Variants in ATR observed in about 807,000 individuals in gnomAD.
The protein encoded by ATR is ATR checkpoint kinase.
In ATR, 142 loss-of-function variants were observed where a neutral mutation model predicts 305.3. The ratio of observed to expected loss-of-function variants is 0.47; its 90% CI spans 0.41 to 0.53. The LOEUF (loss-of-function observed/expected upper bound fraction) is 0.53, where lower values mean the gene tolerates loss of function less well. Among genes scored for constraint, ATR ranks in the 20% least tolerant of loss-of-function variants. The pLI is 0.00. For missense variants in ATR, 2,135 were observed against 3,133.1 expected, an observed-to-expected ratio of 0.68 and a Z score of 7.60; for synonymous variants, 1,050 against 1,068.1, an observed-to-expected ratio of 0.98 and a Z score of 0.33.
At chr3:142,565,292 C>T (rs1414771471) in intron 3 of ATR, among the ~76,000 whole-genome samples, 3 of 152,074 alleles carry the variant, frequency 2.0e-5, no homozygotes, top group Non-Finnish European at 4.4e-5. Flanking sequence ...CAGAAAAAAA[C>T]TTCTTGGAGG....
intron 41 of ATR, 150 bp from the exon 42 acceptor site, chr3:142,462,240 G>T: frequency 1.3e-6 from 1 of 763,564 alleles, no homozygotes; most frequent in Non-Finnish European, 2.1e-6. Context: ...TCTTCTGAAT[G>T]GTAGGAAGGA....
At chr3:142,505,014 A>C in intron 29 of ATR, 125 bp downstream of exon 29, 3 of 1,213,154 alleles carry the variant, frequency 2.5e-6, no homozygotes, top group Non-Finnish European at 3.5e-6. Context: ...ACTGCACTCC[A>C]GCCTGGCCAA....
chr3:142,464,977 A>T (rs2108270356), intron 41 of ATR, 120 bp downstream of exon 41: 1 of 535,068 alleles, frequency 1.9e-6, no homozygotes, highest in East Asian at 4.0e-5. Flanking sequence ...TAAAATGCCT[A>T]TATCAGATTG....
intron 16 of ATR, among the ~76,000 whole-genome samples, chr3:142,546,303 A>AG (rs1330466627): frequency 6.6e-6 from 1 of 152,126 alleles, no homozygotes; most frequent in African/African-American, 2.4e-5. Flanking sequence ...CCCAGAACTA[A>AG]GGGGGGCATT....
intron 24 of ATR, among the ~76,000 whole-genome samples, chr3:142,519,236 GAAA>G (rs1475614554): frequency 1.3e-5 from 2 of 151,298 alleles, no homozygotes; most frequent in African/African-American, 4.9e-5. Context: ...AAATCATAGT[GAAA>G]AATATACATG....
intron 16 of ATR, among the ~76,000 whole-genome samples, chr3:142,546,397 C>A (rs1412730480): frequency 4.6e-5 from 7 of 152,106 alleles, no homozygotes; most frequent in Admixed American, 4.6e-4. Context: ...AAAAGTAGCC[C>A]CTTTGTTAAA....
Position 142,550,135 on chromosome 3 carries a change from A to T in ATR, c.2973T>A (p.Leu991=). ...TGAACTATATGTTGCAACTTACAGTAAGAAAACGATTAAGATCAGGAAAGT... is the reference window on the plus strand; with the variant it reads ...TGAACTATATGTTGCAACTTACAGTTAGAAAACGATTAAGATCAGGAAAGT... ...VFDFPDLNRF[L]TRTLQVLLPD... is the part of the protein sequence containing the mutation. The change falls in exon 14 of 47, where the codon CTT becomes CTA. Residue 991 remains leucine (L), a synonymous_variant. Coordinates refer to ENST00000350721, the MANE Select transcript of ATR (RefSeq NM_001184.4). The T allele has an allele frequency of 6.2e-7, 1 of 1,614,152 alleles. No homozygotes were observed. The highest frequency in any genetic ancestry group is 1.1e-5 in the South Asian group (1 of 91,086).
At chr3:142,454,437 C>CTTTTTTTTTTTTTTTT (rs760823609) in intron 45 of ATR, among the ~76,000 whole-genome samples, 5 of 101,478 alleles carry the variant, frequency 4.9e-5, no homozygotes, top group African/African-American at 2.5e-4. Flanking sequence ...TGATAGACAG[C>CTTTTTTTTTTTTTTTT]TTTTTTTTTT....
At chr3:142,457,395 C>A (rs571552913) in intron 45 of ATR, among the ~76,000 whole-genome samples, 1 of 152,136 alleles carries the variant, frequency 6.6e-6, no homozygotes, top group South Asian at 2.1e-4. Flanking sequence ...AATGGATGCA[C>A]AATCTTGTGA....
intron 36 of ATR, chr3:142,472,077 G>C (rs1577517549): frequency 7.0e-6 from 1 of 142,284 alleles, no homozygotes; most frequent in African/African-American, 2.7e-5. Context: ...AGCCTGAATA[G>C]TATTCCATTG....
chr3:142,497,685 G>A (rs1045692312), intron 32 of ATR, among the ~76,000 whole-genome samples: 1 of 151,794 alleles, frequency 6.6e-6, no homozygotes, highest in Non-Finnish European at 1.5e-5. Context: ...GAGAATGATG[G>A]ATAAAACTAA....
chr3:142,482,022 T>C (rs1476207499), intron 36 of ATR, among the ~76,000 whole-genome samples: 2 of 151,926 alleles, frequency 1.3e-5, no homozygotes, highest in African/African-American at 4.8e-5. Flanking sequence ...GATGGGTTCT[T>C]ACCATGTTGC....
Position 142,549,516 on chromosome 3 carries a change from G to A in ATR, c.3134C>T (p.Ser1045Phe). The change falls in exon 15 of 47, where the codon TCC becomes TTC. Residue 1045 changes from serine (S) to phenylalanine (F), a missense_variant. By Grantham distance (155) the Ser-to-Phe change is radical (BLOSUM62 -2). Around this residue, in one of 9 missense-constraint regions of ATR, gnomAD observed 530 missense variants for 766.8 expected, o/e 0.69. Transcript: ENST00000350721. ...AAGGGCACGTTCTAATTCATCTTTG[G>A]AACAAGAACAGACCAAATGAGAAAA... ...YIFSHLVCSC[S>F]KDELERALHY... is the part of the protein sequence containing the mutation. The A allele has an allele frequency of 6.2e-7, 1 of 1,608,036 alleles. No homozygotes were observed. Among genetic ancestry groups the A allele is most frequent in the Non-Finnish European group, 8.5e-7 (1 of 1,176,972 alleles).
At chr3:142,556,297 C>CA (rs1427221360) in intron 9 of ATR, 86 bp downstream of exon 9, 1 of 1,506,232 alleles carries the variant, frequency 6.6e-7, no homozygotes, top group Non-Finnish European at 9.1e-7. Context: ...ACATATTCAA[C>CA]AATAAACACA....
rs2032585592 is a variant in ATR at position 142,511,839 on chromosome 3, T to TGCGGTG, written c.4852+415_4852+420dup. Among the ~76,000 whole-genome samples, 13 of 151,936 alleles carry TGCGGTG rather than the reference T, an allele frequency of 8.6e-5. No homozygotes were observed. The South Asian group carries it at 2.3e-3, about 27-fold the overall frequency. On this transcript the variant is annotated intron_variant, in intron 27 of 46. Transcript: ENST00000350721. ...TTTAAAAATACACAAAACAGCTGGG[T>TGCGGTG]GCGGTGGCTCATGCCTGTAATCCCA...
chr3:142,562,293 A>T lies in ATR; in HGVS notation c.1109T>A (p.Val370Asp), dbSNP rs767456923. Residue 370 changes from valine to aspartate, a missense_variant, in exon 4 of 47, where the codon GTC (valine) becomes GAC (aspartate). Val to Asp is a radical substitution (Grantham distance 152). This residue lies in a region of ATR where 744 missense variants were observed against 873.2 expected (regional missense o/e 0.85). Coordinates refer to ENST00000350721, the MANE Select transcript of ATR (RefSeq NM_001184.4). ...AGCTTTACAAATATTTCTCACATAG[A>T]CCTTCCTGACTTGTAAAGCAGATTC... ...GYESALQVRK[V>D]YVRNICKALL... 1.5e-5 allele frequency: 25 copies of T among 1,613,980 alleles called. No homozygotes were observed.
At chr3:142,540,767 T>G in intron 18 of ATR, 137 bp downstream of exon 18, 1 of 1,138,518 alleles carries the variant, frequency 8.8e-7, no homozygotes, top group South Asian at 1.6e-5. Flanking sequence ...ATATGTTCTA[T>G]TTTAAATACA....
At chr3:142,553,082 T>C (rs752868130) in intron 13 of ATR, 145 bp downstream of exon 13, 29 of 1,067,580 alleles carry the variant, frequency 2.7e-5, no homozygotes, top group Non-Finnish European at 3.8e-5. Context: ...AACCTCTACA[T>C]GCTGCAATAT....
chr3:142,516,941 A>G (rs2032887742), intron 24 of ATR, among the ~76,000 whole-genome samples: 1 of 150,650 alleles, frequency 6.6e-6, no homozygotes, highest in African/African-American at 2.4e-5. Context: ...ATAAAAGCTT[A>G]GGAAATAACA....
Sources: allele counts gnomAD v4.1 joint callset (sites outside exome capture counted in the v4.1 genomes callset), GRCh38; gene constraint gnomAD v4.1.1; regional missense constraint gnomAD v4.1.1; transcripts MANE v1.5; gene names NCBI Gene and HGNC (gene_info 2026-07-23, HGNC 2026-07-21).